The following SLC12A7 variants were observed in gnomAD, a reference collection of about 807,000 sequenced individuals.
SLC12A7 encodes solute carrier family 12 member 7, also known as K-Cl cotransporter 4.
SLC12A7 carries 100 observed loss-of-function variants against 120.6 expected under a neutral mutation model. The ratio of observed to expected loss-of-function variants is 0.83; its 90% CI spans 0.71 to 0.98. SLC12A7 has a LOEUF of 0.98. Ranked by LOEUF, SLC12A7 falls within the 50% of genes least tolerant of loss-of-function variation. The probability of loss-of-function intolerance (pLI) is 0.00; values close to 1 mark genes in which losing one functional copy is unlikely to be tolerated. For missense variants in SLC12A7, 1,373 were observed against 1,548.1 expected (o/e 0.89, Z 1.90); for synonymous variants, 760 against 678.0 (o/e 1.12, Z -1.88).
At chr5:1,120,933 G>A in the SLC12A7 span, among the ~76,000 whole-genome samples, 2 of 152,210 alleles carry the variant, frequency 1.3e-5, no homozygotes, top group Admixed American at 6.5e-5. Context: ...GGGCCTGCCC[G>A]AGCTCGGAGC....
chr5:1,134,648 C>A, the SLC12A7 span, among the ~76,000 whole-genome samples: 1 of 152,094 alleles, frequency 6.6e-6, no homozygotes, highest in South Asian at 2.1e-4. Context: ...GACCCTCTGA[C>A]CCAGCAATTT....
chr5:1,085,058 T>C (rs1004168430), intron 7 of SLC12A7, among the ~76,000 whole-genome samples, 174 bp downstream of exon 7: 1 of 152,184 alleles, frequency 6.6e-6, no homozygotes, highest in African/African-American at 2.4e-5. Flanking sequence ...CACCTCACCG[T>C]TGGGTTTCCT....
At chr5:1,104,977 C>T (rs183050053) in intron 1 of SLC12A7, among the ~76,000 whole-genome samples, 60 of 150,850 alleles carry the variant, frequency 4.0e-4, no homozygotes, top group African/African-American at 1.3e-3. Context: ...GGACCCTCCC[C>T]GCAGGGGTGA....
At chr5:1,142,137 C>G in the SLC12A7 span, among the ~76,000 whole-genome samples, 2 of 151,970 alleles carry the variant, frequency 1.3e-5, no homozygotes, top group Non-Finnish European at 1.5e-5. Context: ...CCCGGCCACC[C>G]CTGGCAGCAT....
chr5:1,081,646 G>A lies in SLC12A7; in HGVS notation c.1228C>T (p.Pro410Ser), dbSNP rs1246912669. 6.2e-7 allele frequency: 1 copy of A among 1,613,170 alleles called. No individual in the cohort carries two copies. Among genetic ancestry groups the A allele is most frequent in the Non-Finnish European group, 8.5e-7 (1 of 1,179,944 alleles). Residue 410 changes from proline (P) to serine (S), a missense_variant, in exon 9 of 24, where the codon CCC (proline) becomes TCC (serine). Pro to Ser is a moderately conservative substitution (Grantham distance 74). Transcript: ENST00000264930. ...VAEESRASALPYVLTDIAASF... is the reference protein window; with the variant it reads ...VAEESRASALSYVLTDIAASF... The stretch of plus-strand genomic sequence containing the variant: ...GCCGCGATGTCGGTGAGCACGTAGG[G>A]CAGTGCGCTGGCACGGCTCTCCTCT...
In SLC12A7 at chr5:1,111,677, C is replaced by G. The variant is rs371259870; in HGVS notation, c.124+191G>C. Among the ~76,000 whole-genome samples, 7 of 152,304 alleles carry G rather than the reference C, an allele frequency of 4.6e-5. No homozygotes were observed. The East Asian group carries it at 1.4e-3, about 29-fold the overall frequency. ...CCGTACCGGGAGCCCTGGCAGGGCCCCTCGCCCCCTAGCGCTGCCACTAAC... is the reference window on the plus strand; with the variant it reads ...CCGTACCGGGAGCCCTGGCAGGGCCGCTCGCCCCCTAGCGCTGCCACTAAC... On this transcript the variant is annotated intron_variant, in intron 1 of 23. Transcript: ENST00000264930.
the SLC12A7 span, among the ~76,000 whole-genome samples, chr5:1,137,905 C>T: frequency 9.9e-5 from 15 of 152,214 alleles, no homozygotes; most frequent in Non-Finnish European, 1.8e-4. Context: ...CTGTGGAAGA[C>T]ACCCTAAGGG....
rs1736627996 is a variant in SLC12A7 at position 1,063,979 on chromosome 5, C to A, written c.2608-4G>T. ...GCATCCGGCACTTCCTCCACACCTG[C>A]AGACAGGGAGGGCATGGCTGTGGGG... On this transcript the variant is annotated splice_region_variant and splice_polypyrimidine_tract_variant and intron_variant, in intron 19 of 23. Transcript: ENST00000264930. 1.2e-6 allele frequency: 2 copies of A among 1,611,934 alleles called. No individual in the cohort carries two copies. The highest frequency in any genetic ancestry group is 1.7e-6 in the Non-Finnish European group (2 of 1,179,438).
Position 1,064,268 on chromosome 5 carries a change from G to A in SLC12A7, c.2438-16C>T. On this transcript the variant is annotated splice_polypyrimidine_tract_variant and intron_variant, in intron 18 of 23. Transcript: ENST00000264930. ...CGGACGGTGTCTGCGGAGAGAGGCG[G>A]CCGTCCGCAGGTCATCTGAGGCCAG... 3 of 1,601,172 alleles carry A rather than the reference G, an allele frequency of 1.9e-6. No individual in the cohort carries two copies. The highest frequency in any genetic ancestry group is 2.6e-6 in the Non-Finnish European group (3 of 1,173,776).
intron 23 of SLC12A7, 140 bp downstream of exon 23, chr5:1,053,209 C>G: frequency 6.3e-6 from 7 of 1,118,490 alleles, no homozygotes; most frequent in Non-Finnish European, 8.8e-6. Flanking sequence ...CCACTGCATC[C>G]CGGTCGTAGC....
chr5:1,060,565 G>A (rs978043348), intron 20 of SLC12A7, 114 bp from the exon 21 acceptor site: 35 of 773,852 alleles, frequency 4.5e-5, no homozygotes, highest in Admixed American at 3.8e-4. Flanking sequence ...AAGGCCACGC[G>A]TCCCGGGCCC....
At chr5:1,139,075 G>A in the SLC12A7 span, among the ~76,000 whole-genome samples, 5 of 152,158 alleles carry the variant, frequency 3.3e-5, no homozygotes, top group African/African-American at 1.2e-4. Flanking sequence ...GGTGGGGGGG[G>A]GGCTCTGGGC....
chr5:1,108,254 C>T (rs1742716525), intron 1 of SLC12A7, among the ~76,000 whole-genome samples: 1 of 152,268 alleles, frequency 6.6e-6, no homozygotes, highest in Non-Finnish European at 1.5e-5. Flanking sequence ...AGGAGAGCCT[C>T]TTGCCGGGAG....
rs140477969 is a variant in SLC12A7 at position 1,057,588 on chromosome 5, G to A, written c.2909C>T (p.Ala970Val). The change falls in exon 22 of 24, where the codon GCG becomes GTG. Residue 970 changes from alanine to valine, a missense_variant. Transcript: ENST00000264930. ...SHTAAAARTQAPPTPDKVQMT... is the reference protein window; with the variant it reads ...SHTAAAARTQVPPTPDKVQMT... ...CTGCACCTTGTCTGGCGTAGGCGGC[G>A]CTTGGGTCCTGGCTGCCGCCGCGGT... 20 of 1,610,980 alleles carry A rather than the reference G, an allele frequency of 1.2e-5. No individual in the cohort carries two copies. The highest frequency in any genetic ancestry group is 6.6e-5 in the South Asian group (6 of 91,080).
intron 17 of SLC12A7, among the ~76,000 whole-genome samples, chr5:1,067,089 G>A (rs1219007994): frequency 2.6e-5 from 4 of 151,936 alleles, no homozygotes; most frequent in East Asian, 1.9e-4. Context: ...GTTCTCCCAC[G>A]GCCCCACTCC....
the SLC12A7 span, among the ~76,000 whole-genome samples, chr5:1,121,284 G>A: frequency 2.0e-5 from 3 of 152,236 alleles, no homozygotes; most frequent in Admixed American, 1.3e-4. Flanking sequence ...GACTTTACAC[G>A]TGGAGTTCCC....
At chr5:1,066,474 G>A (rs1453515165) in intron 17 of SLC12A7, among the ~76,000 whole-genome samples, 1 of 152,200 alleles carries the variant, frequency 6.6e-6, no homozygotes, top group Non-Finnish European at 1.5e-5. Flanking sequence ...CTGTACATGT[G>A]TGGCAGATAT....
intron 1 of SLC12A7, among the ~76,000 whole-genome samples, chr5:1,104,597 A>T (rs999964309): frequency 2.3e-4 from 35 of 152,302 alleles, no homozygotes; most frequent in African/African-American, 7.7e-4. Context: ...ATCTGACTCC[A>T]GGGGTCAACA....
rs548740174 is a variant in SLC12A7, at chr5:1,076,055, T to C, written c.1847+83A>G. On this transcript the variant is annotated intron_variant, in intron 14 of 23. Transcript: ENST00000264930. ...CCCAGCCTGTGGGGCTCCTGACGCC[T>C]GTGCTGAGCGGCCTCACCAGTGGCA... 2.4e-4 allele frequency: 286 copies of C among 1,176,826 alleles called. 4 individuals carry two copies. The South Asian group carries it at 2.9e-3, about 12-fold the overall frequency. The allele number at this position is 1,176,826 out of a possible 1,614,324, so 72.9% of individuals were successfully genotyped here.
Sources: allele counts gnomAD v4.1 joint callset (sites outside exome capture counted in the v4.1 genomes callset), GRCh38; gene constraint gnomAD v4.1.1; transcripts MANE v1.5; gene names NCBI Gene and HGNC (gene_info 2026-07-23, HGNC 2026-07-21).